The following FBXO11 variants were observed in gnomAD, a reference collection of about 807,000 sequenced individuals.
The protein encoded by FBXO11 is F-box only protein 11.
In FBXO11, 13 loss-of-function variants were observed where a neutral mutation model predicts 117.0. The ratio of observed to expected loss-of-function variants is 0.11; its 90% CI spans 0.07 to 0.18. The LOEUF (loss-of-function observed/expected upper bound fraction) is 0.18, where lower values mean the gene tolerates loss of function less well. FBXO11 is among the 10% of genes least tolerant of loss of function. FBXO11 has a pLI of 1.00. For missense variants in FBXO11, 767 were observed against 1,164.4 expected (o/e 0.66, Z 4.97); for synonymous variants, 490 against 380.5 (o/e 1.29, Z -3.35).
At chr2:47,834,448 T>A (rs973583263) in intron 7 of FBXO11, 131 bp downstream of exon 7, 1 of 632,004 alleles carries the variant, frequency 1.6e-6, no homozygotes, top group Non-Finnish European at 2.6e-6. Flanking sequence ...TTAAAATATG[T>A]GTGATATCTT....
intron 1 of FBXO11, among the ~76,000 whole-genome samples, chr2:47,843,229 G>A (rs575216942): frequency 2.2e-4 from 33 of 152,278 alleles, no homozygotes; most frequent in Admixed American, 1.8e-3. Flanking sequence ...ACCAGTAAAC[G>A]TCCTATGTGT....
intron 11 of FBXO11, among the ~76,000 whole-genome samples, chr2:47,827,341 C>T (rs1454749024): frequency 3.3e-5 from 5 of 152,252 alleles, no homozygotes; most frequent in Non-Finnish European, 4.4e-5. Context: ...GACAGAGTGT[C>T]TGTCGCCCAG....
chr2:47,901,147 G>A (rs560204105), intron 1 of FBXO11, among the ~76,000 whole-genome samples: 21 of 125,672 alleles, frequency 1.7e-4, no homozygotes, highest in African/African-American at 5.3e-4. Context: ...ATATACACAC[G>A]TGTGTACATA....
intron 1 of FBXO11, among the ~76,000 whole-genome samples, chr2:47,900,640 G>A (rs1205801511): frequency 4.1e-5 from 3 of 73,404 alleles, no homozygotes; most frequent in Admixed American, 1.8e-4. Context: ...ACACACGTAC[G>A]TATATACACA....
intron 14 of FBXO11, among the ~76,000 whole-genome samples, chr2:47,819,831 T>C (rs1233702082): frequency 1.3e-5 from 2 of 152,236 alleles, no homozygotes; most frequent in South Asian, 4.1e-4. Flanking sequence ...AAATTAAAAG[T>C]AATGCCTTGC....
chr2:47,810,068 T>G (rs1670510048), intron 19 of FBXO11: 1 of 500,762 alleles, frequency 2.0e-6, no homozygotes, highest in Admixed American at 3.8e-5. Context: ...AAGCCTGCAT[T>G]TATTCTATCC....
chr2:47,822,328 AAGAAG>A, intron 12 of FBXO11, 25 bp from the exon 13 acceptor site: 2 of 1,462,238 alleles, frequency 1.4e-6, no homozygotes, highest in Non-Finnish European at 1.9e-6. Context: ...AATAAAAAAA[AAGAAG>A]ACATCTATTC....
At chr2:47,826,427 A>T (rs552393693) in intron 11 of FBXO11, among the ~76,000 whole-genome samples, 8 of 152,086 alleles carry the variant, frequency 5.3e-5, no homozygotes, top group Non-Finnish European at 1.2e-4. Flanking sequence ...CCCCACTTTT[A>T]ATTCTTTTAG....
At chr2:47,833,173 G>T (rs1672311374) in intron 7 of FBXO11, 103 bp from the exon 8 acceptor site, 5 of 692,830 alleles carry the variant, frequency 7.2e-6, no homozygotes, top group Non-Finnish European at 1.2e-5. Flanking sequence ...CTGAGTAGTG[G>T]GACTAATATT....
At chr2:47,879,855 G>A (rs1161147444) in intron 1 of FBXO11, among the ~76,000 whole-genome samples, 1 of 152,172 alleles carries the variant, frequency 6.6e-6, no homozygotes, top group South Asian at 2.1e-4. Flanking sequence ...GGGTCATGCA[G>A]TATTTGTCTT....
At chr2:47,893,461 G>A (rs1677419079) in intron 1 of FBXO11, among the ~76,000 whole-genome samples, 1 of 151,986 alleles carries the variant, frequency 6.6e-6, no homozygotes, top group Admixed American at 6.6e-5. Context: ...AACATGGGGT[G>A]GCTCAGGAGA....
At chr2:47,814,470 T>G (rs1230137754) in intron 16 of FBXO11, among the ~76,000 whole-genome samples, 1 of 150,506 alleles carries the variant, frequency 6.6e-6, no homozygotes, top group African/African-American at 2.4e-5. Context: ...CCTCGAACTC[T>G]TGGGCTCAAG....
chr2:47,808,326 T>C lies in FBXO11; in HGVS notation c.2654+3A>G. 6.2e-7 allele frequency: 1 copy of C among 1,612,518 alleles called. No individual in the cohort carries two copies. Among genetic ancestry groups the C allele is most frequent in the Non-Finnish European group, 8.5e-7 (1 of 1,179,240 alleles). On this transcript the variant is annotated splice_donor_region_variant and intron_variant, in intron 22 of 22. Transcript: ENST00000403359. ...TAATATATCAAGCAAGTGTGCTACATACCTATCATGTCTAATAAACTCTAC... is the reference window on the plus strand; with the variant it reads ...TAATATATCAAGCAAGTGTGCTACACACCTATCATGTCTAATAAACTCTAC...
chr2:47,825,421 C>A (rs1303080854), intron 11 of FBXO11, among the ~76,000 whole-genome samples: 1 of 151,768 alleles, frequency 6.6e-6, no homozygotes, highest in East Asian at 1.9e-4. Flanking sequence ...ATCAAAAAAA[C>A]AAAAAGAGGC....
At chr2:47,819,942 T>C (rs1267179857) in intron 14 of FBXO11, among the ~76,000 whole-genome samples, 1 of 152,224 alleles carries the variant, frequency 6.6e-6, no homozygotes, top group Non-Finnish European at 1.5e-5. Flanking sequence ...TTTCAAAATT[T>C]TGAAAGTTAT....
chr2:47,826,059 G>A (rs532271348), intron 11 of FBXO11, among the ~76,000 whole-genome samples: 3 of 151,978 alleles, frequency 2.0e-5, no homozygotes, highest in African/African-American at 4.8e-5. Context: ...ACATCCACAA[G>A]TTTTTTTGGT....
intron 1 of FBXO11, among the ~76,000 whole-genome samples, chr2:47,899,672 T>G (rs1677951555): frequency 6.6e-6 from 1 of 152,226 alleles, no homozygotes; most frequent in South Asian, 2.1e-4. Context: ...TTCATAATTT[T>G]ATTTTCACAG....
intron 1 of FBXO11, chr2:47,883,940 G>C (rs1484195915): frequency 6.5e-6 from 1 of 154,636 alleles, no homozygotes; most frequent in East Asian, 1.9e-4. Flanking sequence ...TAAATTTTTT[G>C]GCTGGGCGCA....
rs929502628 is a variant in FBXO11 at position 47,807,907 on chromosome 2, T to C, written c.*211A>G. The C allele has an allele frequency of 2.0e-6, 1 of 502,864 alleles. No individual in the cohort carries two copies. Among genetic ancestry groups the C allele is most frequent in the African/African-American group, 1.9e-5 (1 of 52,502 alleles). The allele number at this position is 502,864 out of a possible 1,614,324, so 31.2% of individuals were successfully genotyped here. On this transcript the variant is annotated 3_prime_UTR_variant, in exon 23 of 23. Coordinates refer to ENST00000403359, the MANE Select transcript of FBXO11 (RefSeq NM_001190274.2). ...TCTGTCCCTTCAAGTCTTTACACAGTAATGCTAAAACACCCAGCTTTGAGA... is the reference window on the plus strand; with the variant it reads ...TCTGTCCCTTCAAGTCTTTACACAGCAATGCTAAAACACCCAGCTTTGAGA...
Sources: allele counts gnomAD v4.1 joint callset (sites outside exome capture counted in the v4.1 genomes callset), GRCh38; gene constraint gnomAD v4.1.1; transcripts MANE v1.5; gene names NCBI Gene and HGNC (gene_info 2026-07-23, HGNC 2026-07-21).